Variants in CTNNA2 observed in about 807,000 individuals in gnomAD.
CTNNA2 encodes catenin alpha-2.
A neutral mutation model predicts 101.0 loss-of-function variants in CTNNA2; 42 were observed. The observed-to-expected ratio is 0.42, with a 90% CI of 0.32 to 0.54. The LOEUF is 0.54. CTNNA2 is among the 20% of genes least tolerant of loss of function. The pLI is 0.14. For missense variants in CTNNA2, 871 were observed against 1,223.1 expected (o/e 0.71, Z 4.29); for synonymous variants, 450 against 456.4 (o/e 0.99, Z 0.18).
intron 9 of CTNNA2, among the ~76,000 whole-genome samples, chr2:80,508,762 C>A (rs1039470475): frequency 1.3e-5 from 2 of 152,046 alleles, no homozygotes; most frequent in East Asian, 1.9e-4. Context: ...GAGTTCCCTC[C>A]ATGAAGCCAT....
chr2:79,561,370 A>T (rs1674771213), intron 1 of CTNNA2, among the ~76,000 whole-genome samples: 1 of 151,954 alleles, frequency 6.6e-6, no homozygotes, highest in African/African-American at 2.4e-5. Context: ...AATCATGAAT[A>T]ATGCTACTAT....
At chr2:80,113,730 T>G (rs1172217300) in intron 7 of CTNNA2, among the ~76,000 whole-genome samples, 1 of 152,222 alleles carries the variant, frequency 6.6e-6, no homozygotes, top group Non-Finnish European at 1.5e-5. Context: ...CAGTTATTGT[T>G]TTCTCATGGA....
chr2:79,479,732 G>A (rs1369411138), intron 4 of CTNNA2, among the ~76,000 whole-genome samples: 2 of 152,036 alleles, frequency 1.3e-5, no homozygotes, highest in Admixed American at 6.6e-5. Flanking sequence ...AGACCAGCCT[G>A]GCCAACATGG....
intron 1 of CTNNA2, among the ~76,000 whole-genome samples, chr2:79,191,513 A>G (rs1324163353): frequency 6.6e-6 from 1 of 152,188 alleles, no homozygotes; most frequent in Admixed American, 6.5e-5. Context: ...TAAACTTGTA[A>G]TGCCTACCAT....
intron 2 of CTNNA2, among the ~76,000 whole-genome samples, chr2:79,285,201 C>T (rs1675532246): frequency 2.0e-5 from 3 of 151,368 alleles, no homozygotes; most frequent in Admixed American, 2.0e-4. Flanking sequence ...TTTCAAAAAA[C>T]CAGCTCCTGG....
At chr2:79,735,645 C>T (rs1265566739) in intron 2 of CTNNA2, among the ~76,000 whole-genome samples, 3 of 152,244 alleles carry the variant, frequency 2.0e-5, no homozygotes, top group African/African-American at 7.2e-5. Flanking sequence ...GTTGAGGGTA[C>T]GTCTACAATA....
intron 9 of CTNNA2, among the ~76,000 whole-genome samples, chr2:80,521,433 G>A (rs1470564028): frequency 6.6e-6 from 1 of 152,120 alleles, no homozygotes; most frequent in East Asian, 1.9e-4. Flanking sequence ...CCATGAATAT[G>A]TTACTTCATG....
At chr2:79,570,235 G>T (rs1273398953) in intron 1 of CTNNA2, among the ~76,000 whole-genome samples, 3 of 152,122 alleles carry the variant, frequency 2.0e-5, no homozygotes, top group Non-Finnish European at 4.4e-5. Context: ...AGTGGACCAG[G>T]TCAGTGTTTT....
chr2:79,904,209 A>G (rs1455149220), intron 6 of CTNNA2, among the ~76,000 whole-genome samples: 2 of 152,112 alleles, frequency 1.3e-5, no homozygotes, highest in Non-Finnish European at 2.9e-5. Context: ...GTCATTCCAT[A>G]ACATCATTAG....
At chr2:80,138,163 C>CACCCCAGTGTCCCCAAATG (rs746017892) in intron 7 of CTNNA2, among the ~76,000 whole-genome samples, 1 of 152,110 alleles carries the variant, frequency 6.6e-6, no homozygotes, top group Non-Finnish European at 1.5e-5. Context: ...ACAATCAATT[C>CACCCCAGTGTCCCCAAATG]ACCCCAGTGT....
intron 6 of CTNNA2, among the ~76,000 whole-genome samples, chr2:79,907,907 C>T (rs1251542835): frequency 1.3e-5 from 2 of 152,198 alleles, no homozygotes; most frequent in African/African-American, 4.8e-5. Context: ...CCTACCTACA[C>T]TCATTCCTTA....
intron 7 of CTNNA2, among the ~76,000 whole-genome samples, chr2:80,140,511 C>G (rs1702948733): frequency 6.6e-6 from 1 of 152,154 alleles, no homozygotes; most frequent in Non-Finnish European, 1.5e-5. Context: ...CCACCCATCC[C>G]TCATTTCTCA....
intron 7 of CTNNA2, among the ~76,000 whole-genome samples, chr2:80,387,213 C>G (rs11689963): frequency 6.6e-6 from 1 of 151,856 alleles, no homozygotes; most frequent in African/African-American, 2.4e-5. Context: ...GGCATGAACC[C>G]GGGAGGCGGA....
intron 2 of CTNNA2, among the ~76,000 whole-genome samples, chr2:79,259,733 C>T (rs1254592490): frequency 2.6e-5 from 4 of 152,094 alleles, no homozygotes; most frequent in Admixed American, 2.0e-4. Flanking sequence ...TCAGAGTGAC[C>T]TTTTAACCAC....
At chr2:80,426,883 A>G (rs1681045419) in intron 9 of CTNNA2, among the ~76,000 whole-genome samples, 1 of 151,990 alleles carries the variant, frequency 6.6e-6, no homozygotes, top group African/African-American at 2.4e-5. Context: ...TCTAGTTTCT[A>G]GGCATTGTTC....
rs148117374 is a variant in CTNNA2 at position 79,342,739 on chromosome 2, C to T, written c.-318+29943C>T. Among the ~76,000 whole-genome samples, 378 of 152,230 alleles carry T rather than the reference C, an allele frequency of 2.5e-3. 4 individuals are homozygous for T. The East Asian group carries it at 0.033, about 13-fold the overall frequency. On this transcript the variant is annotated intron_variant, in intron 3 of 21. Transcript: ENST00000466387. ...TGCAAATGCATCCCTACCTGCAGAT[C>T]CTCTCATGTTGGTACTCTTGGGATG...
chr2:80,553,223 CAA>C (rs143384465), intron 11 of CTNNA2, among the ~76,000 whole-genome samples: 2,904 of 114,330 alleles, frequency 0.025, 62 homozygotes, highest in African/African-American at 0.041. Flanking sequence ...GACTCCGTCT[CAA>C]AAAAAAAAAT....
At chr2:80,314,406 A>C (rs1677899195) in intron 7 of CTNNA2, among the ~76,000 whole-genome samples, 1 of 152,210 alleles carries the variant, frequency 6.6e-6, no homozygotes, top group Non-Finnish European at 1.5e-5. Context: ...AACAAGAAAG[A>C]ATAGGATGGG....
chr2:79,913,821 T>G (rs1400557055), intron 7 of CTNNA2, among the ~76,000 whole-genome samples: 1 of 152,178 alleles, frequency 6.6e-6, no homozygotes, highest in African/African-American at 2.4e-5. Context: ...TCATATGATA[T>G]CTTCATTTGG....
Sources: gnomAD v4.1 joint callset for allele counts (sites outside exome capture counted in the v4.1 genomes callset) on GRCh38, gnomAD v4.1.1 for gene constraint, MANE v1.5 for transcripts, NCBI Gene and HGNC (gene_info 2026-07-23, HGNC 2026-07-21) for gene names.